The following TLL1 variants were observed in gnomAD, a reference collection of about 807,000 sequenced individuals.
TLL1 encodes the protein tolloid-like protein 1.
In TLL1, 49 loss-of-function variants were observed where a neutral mutation model predicts 128.2. That is an observed-to-expected ratio of 0.38 (90% CI 0.30 to 0.48). The LOEUF (loss-of-function observed/expected upper bound fraction) is 0.48. Among genes scored for constraint, TLL1 ranks in the 20% least tolerant of loss-of-function variants. The pLI, the probability that TLL1 is intolerant of heterozygous loss-of-function variation, is 0.96. For missense variants in TLL1, 1,123 were observed against 1,242.0 expected (o/e 0.90, Z 1.44); for synonymous variants, 454 against 418.8 (o/e 1.08, Z -1.03).
At chr4:165,960,122 T>C (rs28895341) in intron 1 of TLL1, among the ~76,000 whole-genome samples, 7,026 of 151,906 alleles carry the variant, frequency 0.046, 525 homozygotes, top group African/African-American at 0.16. Flanking sequence ...AGATCCAAAA[T>C]AGCCCAATTA....
intron 1 of TLL1, among the ~76,000 whole-genome samples, chr4:165,885,634 G>C (rs1252198449): frequency 6.6e-6 from 1 of 152,164 alleles, no homozygotes. Flanking sequence ...CAAGGTATGT[G>C]AGAATAGCAG....
chr4:165,999,852 A>G (rs1383207660), intron 5 of TLL1, among the ~76,000 whole-genome samples: 1 of 152,204 alleles, frequency 6.6e-6, no homozygotes, highest in African/African-American at 2.4e-5. Context: ...AACCTAAATA[A>G]TTGAAACTAT....
intron 1 of TLL1, among the ~76,000 whole-genome samples, chr4:165,978,217 A>T (rs1735978514): frequency 6.6e-6 from 1 of 151,614 alleles, no homozygotes; most frequent in Admixed American, 6.6e-5. Flanking sequence ...TTTATTGGGG[A>T]GTTTTTTGGG....
intron 1 of TLL1, among the ~76,000 whole-genome samples, chr4:165,878,920 C>CTT (rs140447889): frequency 0.03 from 1,838 of 60,498 alleles, 383 homozygotes; most frequent in Non-Finnish European, 0.04. Context: ...TGATGGCTTC[C>CTT]TTTTTTTTTT....
chr4:166,074,347 G>A (rs756010969), intron 16 of TLL1, among the ~76,000 whole-genome samples: 2 of 151,082 alleles, frequency 1.3e-5, no homozygotes, highest in Non-Finnish European at 2.9e-5. Flanking sequence ...TAACTGCAGA[G>A]TTAATGGGGA....
At chr4:166,044,299 G>A in intron 12 of TLL1, 1 of 1,397,278 alleles carries the variant, frequency 7.2e-7, no homozygotes, top group East Asian at 2.5e-5. Flanking sequence ...GGGTAGTAAT[G>A]AGCACTATGA....
At chr4:165,879,253 T>G (rs1730874296) in intron 1 of TLL1, among the ~76,000 whole-genome samples, 1 of 152,130 alleles carries the variant, frequency 6.6e-6, no homozygotes, top group Non-Finnish European at 1.5e-5. Flanking sequence ...AGTTTCCTTT[T>G]CTATGAAAGC....
chr4:165,981,423 A>G (rs1295905054), intron 1 of TLL1, among the ~76,000 whole-genome samples: 1 of 152,116 alleles, frequency 6.6e-6, no homozygotes, highest in East Asian at 1.9e-4. Flanking sequence ...CAAGATTTAC[A>G]GAGTTGATAA....
intron 1 of TLL1, among the ~76,000 whole-genome samples, chr4:165,900,187 C>T (rs189998033): frequency 1.3e-4 from 20 of 151,842 alleles, no homozygotes; most frequent in African/African-American, 4.3e-4. Flanking sequence ...ACTCTTTATC[C>T]GATTTGCCAG....
chr4:165,918,109 T>G (rs1732868951), intron 1 of TLL1, among the ~76,000 whole-genome samples: 1 of 152,214 alleles, frequency 6.6e-6, no homozygotes, highest in African/African-American at 2.4e-5. Context: ...GATAGTATAG[T>G]AAGTAATGTA....
intron 1 of TLL1, among the ~76,000 whole-genome samples, chr4:165,910,642 A>T (rs781058965): frequency 6.6e-6 from 1 of 152,214 alleles, no homozygotes; most frequent in Non-Finnish European, 1.5e-5. Flanking sequence ...TTTTCATGAA[A>T]ATCAGTTAAC....
intron 1 of TLL1, among the ~76,000 whole-genome samples, chr4:165,896,729 C>T (rs149269270): frequency 0.01 from 1,552 of 152,106 alleles, 12 homozygotes; most frequent in Middle Eastern, 0.041. Flanking sequence ...ATGATCTGCC[C>T]GCCTTGGCAT....
intron 1 of TLL1, among the ~76,000 whole-genome samples, chr4:165,929,045 C>T (rs114424508): frequency 0.01 from 1,584 of 152,240 alleles, 29 homozygotes; most frequent in African/African-American, 0.036. Context: ...CCCTTCTACA[C>T]CACGTGGAGA....
intron 14 of TLL1, among the ~76,000 whole-genome samples, chr4:166,058,609 C>G (rs1740141776): frequency 6.6e-6 from 1 of 152,132 alleles, no homozygotes; most frequent in Non-Finnish European, 1.5e-5. Context: ...CTATTACAGG[C>G]CCCATACCGC....
chr4:165,951,518 C>T (rs915426760), intron 1 of TLL1, among the ~76,000 whole-genome samples: 2 of 152,102 alleles, frequency 1.3e-5, no homozygotes, highest in African/African-American at 4.8e-5. Flanking sequence ...TGAATGTGGT[C>T]AGTGGCTACA....
At chr4:165,996,944 T>A (rs182439871) in intron 5 of TLL1, among the ~76,000 whole-genome samples, 21 of 151,920 alleles carry the variant, frequency 1.4e-4, no homozygotes, top group African/African-American at 4.8e-4. Context: ...TTGTGATTTT[T>A]ATAGTAGTAA....
At chr4:165,912,066 G>A (rs1424341792) in intron 1 of TLL1, among the ~76,000 whole-genome samples, 4 of 152,066 alleles carry the variant, frequency 2.6e-5, no homozygotes, top group African/African-American at 7.2e-5. Context: ...TAGTAGAGAC[G>A]AGGTTTCACC....
intron 1 of TLL1, among the ~76,000 whole-genome samples, chr4:165,883,531 TATTA>T (rs771649497): frequency 4.6e-5 from 7 of 152,204 alleles, no homozygotes; most frequent in Non-Finnish European, 8.8e-5. Flanking sequence ...ATAAAGGTGA[TATTA>T]TAATCCTCAT....
At chr4:166,097,462 C>T (rs1032805854) in intron 19 of TLL1, among the ~76,000 whole-genome samples, 3 of 152,030 alleles carry the variant, frequency 2.0e-5, no homozygotes, top group African/African-American at 7.2e-5. Flanking sequence ...TGTAACACAG[C>T]CCAATGGGGA....
Sources: gnomAD v4.1 joint callset for allele counts (sites outside exome capture counted in the v4.1 genomes callset) on GRCh38, gnomAD v4.1.1 for gene constraint, MANE v1.5 for transcripts, NCBI Gene and HGNC (gene_info 2026-07-23, HGNC 2026-07-21) for gene names.